The following FAM120A variants were observed in gnomAD, a reference collection of about 807,000 sequenced individuals.
FAM120A encodes the protein family with sequence similarity 120 member A, also known as constitutive coactivator of PPAR-gamma-like protein 1.
In FAM120A, 15 loss-of-function variants were observed where a neutral mutation model predicts 109.7. The observed-to-expected ratio is 0.14, with a 90% CI of 0.09 to 0.21. The LOEUF is 0.21. Ranked by LOEUF, FAM120A falls within the 10% of genes least tolerant of loss-of-function variation. FAM120A has a pLI of 1.00. For synonymous variants in FAM120A, 493 were observed against 572.8 expected (o/e 0.86, Z 1.99); for missense variants, 899 against 1,439.3 (o/e 0.62, Z 6.07).
chr9:93,474,186 TG>T (rs377114576), intron 2 of FAM120A, among the ~76,000 whole-genome samples: 37 of 152,282 alleles, frequency 2.4e-4, no homozygotes, highest in African/African-American at 8.7e-4. Flanking sequence ...TTGTTGTTGT[TG>T]TTGTTGTTGT....
intron 10 of FAM120A, among the ~76,000 whole-genome samples, chr9:93,536,516 A>G (rs150202999): frequency 1.3e-5 from 2 of 152,386 alleles, no homozygotes; most frequent in East Asian, 3.9e-4. Flanking sequence ...ATCAGACAGA[A>G]CTATTCAAAA....
chr9:93,465,452 C>T (rs1161310392), intron 1 of FAM120A, among the ~76,000 whole-genome samples: 2 of 152,094 alleles, frequency 1.3e-5, no homozygotes, highest in Admixed American at 1.3e-4. Context: ...ATATAATAGG[C>T]TTTTTGAAAC....
At chr9:93,561,902 A>G (rs1435103353) in intron 16 of FAM120A, among the ~76,000 whole-genome samples, 1 of 152,194 alleles carries the variant, frequency 6.6e-6, no homozygotes, top group East Asian at 1.9e-4. Context: ...TTTGACTGCA[A>G]ATGCATTGGA....
intron 10 of FAM120A, among the ~76,000 whole-genome samples, chr9:93,533,477 C>A (rs1211385564): frequency 6.6e-6 from 1 of 152,166 alleles, no homozygotes; most frequent in Non-Finnish European, 1.5e-5. Flanking sequence ...CATCTCCACC[C>A]TCTGTGTCTT....
intron 1 of FAM120A, among the ~76,000 whole-genome samples, chr9:93,461,124 G>T (rs987197390): frequency 1.3e-5 from 2 of 152,202 alleles, no homozygotes; most frequent in Admixed American, 1.3e-4. Flanking sequence ...CTGTGATTTA[G>T]AAACGGTACT....
chr9:93,532,179 A>G lies in FAM120A; in HGVS notation c.1759A>G (p.Ile587Val). Residue 587 changes from isoleucine (I) to valine (V), a missense_variant, in exon 10 of 18, where the codon ATT (isoleucine) becomes GTT (valine). Around this residue, in one of 11 missense-constraint regions of FAM120A, gnomAD observed 133 missense variants for 276.6 expected, o/e 0.48. Coordinates refer to ENST00000277165, the MANE Select transcript of FAM120A (RefSeq NM_014612.5). This position sits in a 1 kb window ranked among gnomAD's most constrained non-coding sequence, Gnocchi z 4.3. ...TKGEIKIAVS[I>V]EDEANKDLPP... ...GGGTGAAATCAAAATTGCTGTTTCT[A>G]TTGAAGATGAAGCCAACAAGGACCT... is the stretch of plus-strand genomic sequence containing the variant. 6.2e-6 allele frequency: 10 copies of G among 1,614,110 alleles called. No homozygotes were observed. Among genetic ancestry groups the G allele is most frequent in the South Asian group, 1.1e-5 (1 of 91,070 alleles).
chr9:93,544,158 C>T (rs1411422390), intron 11 of FAM120A, among the ~76,000 whole-genome samples: 5 of 152,214 alleles, frequency 3.3e-5, no homozygotes, highest in Admixed American at 6.5e-5. Flanking sequence ...CTGCCTTATC[C>T]TTACGCACAT....
Position 93,451,962 on chromosome 9 carries a change from G to T in FAM120A, c.47G>T (p.Ser16Ile). Residue 16 changes from serine to isoleucine, a missense_variant, in exon 1 of 18, where the codon AGC becomes ATC. Physicochemically the swap from Ser to Ile is moderately radical, Grantham distance 142 (BLOSUM62 -2). This residue lies in a region of FAM120A where 258 missense variants were observed against 451.4 expected (regional missense o/e 0.57). Coordinates refer to ENST00000277165, the MANE Select transcript of FAM120A (RefSeq NM_014612.5). ...GACTACATCGAGAAGCACTGCCCGAGCGCCGTGGTGCCGGTGGAGCTGCAG... is the reference window on the plus strand; with the variant it reads ...GACTACATCGAGAAGCACTGCCCGATCGCCGTGGTGCCGGTGGAGCTGCAG... The part of the protein sequence containing the change: ...FQDYIEKHCP[S>I]AVVPVELQKL... The T allele has an allele frequency of 6.5e-7, 1 of 1,537,400 alleles. No homozygotes were observed.
At position 93,534,942 on chromosome 9, in the gene FAM120A, T is replaced by C. The variant is rs144952596; in HGVS notation, c.1909+2613T>C. On this transcript the variant is annotated intron_variant, in intron 10 of 17. Transcript: ENST00000277165. ...ACAGAGGCCCAGCCAGCTGCACTTA[T>C]TAGTTGATCATGGAGCATGGGTATT... Among the ~76,000 whole-genome samples, 178 of 152,314 alleles carry C rather than the reference T, an allele frequency of 1.2e-3. 1 individual carries two copies. Among genetic ancestry groups the C allele is most frequent in the African/African-American group, 3.5e-3 (144 of 41,562 alleles).
intron 7 of FAM120A, 39 bp downstream of exon 7, chr9:93,516,308 T>C (rs1209007188): frequency 6.3e-7 from 1 of 1,595,902 alleles, no homozygotes; most frequent in East Asian, 2.2e-5. Flanking sequence ...TCCTGGCGGG[T>C]AGTGACCTGG....
At chr9:93,460,570 C>T (rs1339683389) in intron 1 of FAM120A, among the ~76,000 whole-genome samples, 4 of 152,128 alleles carry the variant, frequency 2.6e-5, no homozygotes, top group South Asian at 4.1e-4. Context: ...CTCCTGACCT[C>T]GTGATCCACC....
At chr9:93,497,286 C>T (rs1859615108) in intron 3 of FAM120A, among the ~76,000 whole-genome samples, 185 bp from the exon 4 acceptor site, 1 of 152,218 alleles carries the variant, frequency 6.6e-6, no homozygotes, top group Non-Finnish European at 1.5e-5. Context: ...AAATCCAGTT[C>T]TTGAGCTTCA....
chr9:93,540,785 C>T (rs1315665252), intron 10 of FAM120A, among the ~76,000 whole-genome samples: 1 of 152,078 alleles, frequency 6.6e-6, no homozygotes, highest in African/African-American at 2.4e-5. Context: ...AATCTAGGGC[C>T]TTGCAGGACG....
At position 93,561,078 on chromosome 9, in the gene FAM120A, G is replaced by A. The variant is rs754777235; in HGVS notation, c.2807-31G>A. On this transcript the variant is annotated intron_variant, in intron 15 of 17. Coordinates refer to ENST00000277165, the MANE Select transcript of FAM120A (RefSeq NM_014612.5). ...CTATTCTTAATTCTGTGATTGTAAA[G>A]ATTTTGTCTTTTTGTATATTTTTTA... The A allele has an allele frequency of 3.1e-6, 5 of 1,609,302 alleles. No individual in the cohort carries two copies. The Admixed American group carries it at 8.4e-5, about 27-fold the overall frequency.
chr9:93,453,048 A>G, intron 1 of FAM120A: 4 of 1,119,936 alleles, frequency 3.6e-6, no homozygotes, highest in Non-Finnish European at 4.4e-6. Flanking sequence ...AGACCCGTGC[A>G]CTTTGACAGG....
intron 3 of FAM120A, among the ~76,000 whole-genome samples, chr9:93,489,266 G>T (rs1859207623): frequency 6.6e-6 from 1 of 152,198 alleles, no homozygotes; most frequent in Non-Finnish European, 1.5e-5. Flanking sequence ...ATAAGATGGG[G>T]ATTTTAACAG....
intron 10 of FAM120A, among the ~76,000 whole-genome samples, chr9:93,541,572 ACT>A (rs1257773412): frequency 6.6e-6 from 1 of 152,210 alleles, no homozygotes; most frequent in Admixed American, 6.5e-5. Context: ...GTCTGTTTTG[ACT>A]TGATGGACTT....
At chr9:93,526,045 T>TAC (rs1405669316) in intron 7 of FAM120A, among the ~76,000 whole-genome samples, 3 of 152,248 alleles carry the variant, frequency 2.0e-5, no homozygotes, top group Non-Finnish European at 4.4e-5. Context: ...ATCTGTCATG[T>TAC]GAGTCAGTTA....
Position 93,550,615 on chromosome 9 carries a change from G to C in FAM120A, c.2198G>C (p.Arg733Pro). 3.1e-6 allele frequency: 5 copies of C among 1,613,910 alleles called. No individual in the cohort carries two copies. Among genetic ancestry groups the C allele is most frequent in the Non-Finnish European group, 4.2e-6 (5 of 1,180,012 alleles). ...VQWPGARILRRQELDAFLAQA... is the reference protein window; with the variant it reads ...VQWPGARILRPQELDAFLAQA... ...TGGCCGGGAGCACGCATCCTTCGGC[G>C]TCAGGAGCTAGATGCCTTCCTGGCT... The change falls in exon 12 of 18, where the codon CGT becomes CCT. Residue 733 changes from arginine to proline, a missense_variant. Around this residue, in one of 11 missense-constraint regions of FAM120A, gnomAD observed 52 missense variants for 49.7 expected, o/e 1.05. Coordinates refer to ENST00000277165, the MANE Select transcript of FAM120A (RefSeq NM_014612.5).
Sources: allele counts gnomAD v4.1 joint callset (sites outside exome capture counted in the v4.1 genomes callset), GRCh38; gene constraint gnomAD v4.1.1; regional missense constraint gnomAD v4.1.1; non-coding constraint Gnocchi (gnomAD v3.1); transcripts MANE v1.5; gene names NCBI Gene and HGNC (gene_info 2026-07-23, HGNC 2026-07-21).